The following GCNT2 variants were observed in gnomAD, a reference collection of about 807,000 sequenced individuals.
GCNT2 encodes glucosaminyl (N-acetyl) transferase 2 (I blood group).
GCNT2 carries 34 observed loss-of-function variants against 34.2 expected under a neutral mutation model. The observed-to-expected ratio is 1.00, with a 90% CI of 0.76 to 1.32. The LOEUF (loss-of-function observed/expected upper bound fraction) is 1.32, where lower values mean the gene tolerates loss of function less well. Among genes scored for constraint, GCNT2 ranks in the 40% most tolerant of loss-of-function variants. GCNT2 has a pLI of 0.00. For synonymous variants in GCNT2, 212 were observed against 188.0 expected, an observed-to-expected ratio of 1.13 and a Z score of -1.04; for missense variants, 584 against 489.4, an observed-to-expected ratio of 1.19 and a Z score of -1.82.
intron 3 of GCNT2, among the ~76,000 whole-genome samples, chr6:10,533,791 ACT>A (rs1173546014): frequency 8.2e-6 from 1 of 121,728 alleles, no homozygotes; most frequent in African/African-American, 3.3e-5. Flanking sequence ...ACAGAGCAAG[ACT>A]CTGTCTCAAA....
intron 1 of GCNT2, among the ~76,000 whole-genome samples, chr6:10,523,866 G>C (rs1476542063): frequency 6.6e-6 from 1 of 151,670 alleles, no homozygotes; most frequent in Non-Finnish European, 1.5e-5. Context: ...CCAGCTACTC[G>C]GGAGGCTGAG....
intron 3 of GCNT2, among the ~76,000 whole-genome samples, chr6:10,544,634 TTAAA>T (rs60548681): frequency 0.039 from 5,863 of 149,226 alleles, 130 homozygotes; most frequent in African/African-American, 0.048. Context: ...AAATAAAATA[TTAAA>T]TAAATAAATA....
At chr6:10,556,012 G>A (rs948885523) in intron 3 of GCNT2, 13 of 1,124,296 alleles carry the variant, frequency 1.2e-5, no homozygotes, top group Non-Finnish European at 1.3e-5. Context: ...CTTTCACTGC[G>A]CTCATTCCCT....
chr6:10,614,745 T>C (rs1180349971), intron 3 of GCNT2, among the ~76,000 whole-genome samples: 2 of 151,996 alleles, frequency 1.3e-5, no homozygotes, highest in Non-Finnish European at 1.5e-5. Context: ...CAAGACAGCA[T>C]CCAGGCCCGT....
At chr6:10,579,432 G>A (rs1420750347) in intron 3 of GCNT2, among the ~76,000 whole-genome samples, 1 of 152,018 alleles carries the variant, frequency 6.6e-6, no homozygotes, top group Non-Finnish European at 1.5e-5. Context: ...AGAAAGCTAG[G>A]TTGGCCTGTT....
chr6:10,530,399 C>T (rs1761427862), intron 3 of GCNT2: 1 of 152,736 alleles, frequency 6.5e-6, no homozygotes, highest in African/African-American at 2.4e-5. Flanking sequence ...AAACCTTATT[C>T]TCCTTTAAGC....
chr6:10,583,510 A>G (rs1764212836), intron 3 of GCNT2, among the ~76,000 whole-genome samples: 1 of 152,102 alleles, frequency 6.6e-6, no homozygotes, highest in Non-Finnish European at 1.5e-5. Flanking sequence ...GTCCGCATCA[A>G]TCCCCAGTGC....
At chr6:10,556,685 A>C in intron 3 of GCNT2, 1 of 1,614,158 alleles carries the variant, frequency 6.2e-7, no homozygotes, top group Non-Finnish European at 8.5e-7. Context: ...CCCTTTATCT[A>C]AGGAAGAAGC....
chr6:10,561,239 C>T (rs946414359), intron 3 of GCNT2, among the ~76,000 whole-genome samples: 5 of 152,032 alleles, frequency 3.3e-5, no homozygotes, highest in Non-Finnish European at 7.4e-5. Flanking sequence ...CTTGGCTCAC[C>T]GCAACCTCCG....
intron 3 of GCNT2, among the ~76,000 whole-genome samples, chr6:10,542,258 A>C (rs1441589778): frequency 6.6e-6 from 1 of 152,198 alleles, no homozygotes; most frequent in Non-Finnish European, 1.5e-5. Context: ...ATTTTCTAGA[A>C]GGCTTGCCAA....
At chr6:10,556,140 C>G (rs1942337064) in intron 3 of GCNT2, 1 of 1,316,508 alleles carries the variant, frequency 7.6e-7, no homozygotes, top group Non-Finnish European at 9.7e-7. Context: ...CTAGCAGATG[C>G]AAACGGGGAG....
rs922018141 is a variant in GCNT2 at position 10,617,159 on chromosome 6, G to C, written c.926-4192G>C. ...GCCGCGCAGGAGCCCATGGCGGTCG[G>C]GGGGAGGCTCAGACATGGCCGGCTG... is the stretch of plus-strand genomic sequence containing the variant. On this transcript the variant is annotated intron_variant, in intron 3 of 4. Transcript: ENST00000495262. 7.9e-5 allele frequency among the ~76,000 whole-genome samples: 12 copies of C among 152,278 alleles called. 1 individual carries two copies. In the South Asian group the frequency reaches 8.3e-4, roughly 11 times the overall value.
intron 3 of GCNT2, among the ~76,000 whole-genome samples, chr6:10,612,700 A>T (rs995818657): frequency 5.3e-5 from 8 of 152,226 alleles, no homozygotes; most frequent in African/African-American, 1.9e-4. Context: ...TGAGGTTTTA[A>T]AGACGAGTAC....
chr6:10,531,982 T>G (rs1761515218), intron 3 of GCNT2, among the ~76,000 whole-genome samples: 1 of 151,292 alleles, frequency 6.6e-6, no homozygotes, highest in Non-Finnish European at 1.5e-5. Context: ...AAAGATTTGC[T>G]CAGGAAAGAG....
chr6:10,597,700 A>G (rs9358655), intron 3 of GCNT2, among the ~76,000 whole-genome samples: 16,815 of 151,654 alleles, frequency 0.11, 1,089 homozygotes, highest in Middle Eastern at 0.17. Flanking sequence ...GGGCTCAAGC[A>G]ATCCTCTCAC....
At chr6:10,533,618 A>G (rs994044143) in intron 3 of GCNT2, among the ~76,000 whole-genome samples, 6 of 150,480 alleles carry the variant, frequency 4.0e-5, no homozygotes, top group African/African-American at 1.5e-4. Context: ...TGAAACCCCA[A>G]CTCTACTAAA....
chr6:10,549,743 G>T (rs193135072), intron 3 of GCNT2, among the ~76,000 whole-genome samples: 2 of 151,572 alleles, frequency 1.3e-5, no homozygotes, highest in Non-Finnish European at 2.9e-5. Context: ...CACCGTCTTC[G>T]AATTCAGCTT....
At chr6:10,554,572 T>C (rs1762610961) in intron 3 of GCNT2, among the ~76,000 whole-genome samples, 1 of 152,216 alleles carries the variant, frequency 6.6e-6, no homozygotes, top group South Asian at 2.1e-4. Context: ...TAATGTTCAT[T>C]CTAAGCCACA....
chr6:10,580,865 T>C (rs553838168), intron 3 of GCNT2, among the ~76,000 whole-genome samples: 1 of 152,276 alleles, frequency 6.6e-6, no homozygotes, highest in Admixed American at 6.5e-5. Context: ...CTGGTTTTCA[T>C]GTTGAGTTGA....
Sources: allele counts gnomAD v4.1 joint callset (sites outside exome capture counted in the v4.1 genomes callset), GRCh38; gene constraint gnomAD v4.1.1; transcripts MANE v1.5; gene names NCBI Gene and HGNC (gene_info 2026-07-23, HGNC 2026-07-21).